The following LRRIQ3 variants were observed in gnomAD, a reference collection of about 807,000 sequenced individuals.
LRRIQ3 encodes the protein leucine-rich repeat and IQ domain-containing protein 3.
In LRRIQ3, 75 loss-of-function variants were observed where a neutral mutation model predicts 59.3. The observed-to-expected ratio is 1.26, with a 90% CI of 1.05 to 1.53. The LOEUF (loss-of-function observed/expected upper bound fraction) is 1.53, where lower values mean the gene tolerates loss of function less well. Ranked by LOEUF, LRRIQ3 falls within the 40% of genes most tolerant of loss-of-function variation. The pLI is 0.00. For missense variants in LRRIQ3, 831 were observed against 710.0 expected (o/e 1.17, Z -1.94); for synonymous variants, 250 against 231.3 (o/e 1.08, Z -0.73).
chr1:74,192,190 C>T (rs917257084), intron 1 of LRRIQ3, among the ~76,000 whole-genome samples: 29 of 152,098 alleles, frequency 1.9e-4, no homozygotes, highest in Non-Finnish European at 4.4e-5. Flanking sequence ...ATAAATCTCA[C>T]TCCAAAATGT....
At chr1:74,027,580 G>T (rs1653557392) in intron 7 of LRRIQ3, among the ~76,000 whole-genome samples, 1 of 151,986 alleles carries the variant, frequency 6.6e-6, no homozygotes, top group Non-Finnish European at 1.5e-5. Context: ...CTTTGTTCTT[G>T]GACTTCCAAC....
intron 4 of LRRIQ3, chr1:74,144,679 T>C (rs1284706452): frequency 1.2e-5 from 2 of 170,130 alleles, no homozygotes; most frequent in East Asian, 3.7e-4. Flanking sequence ...GGCGCTGGAG[T>C]GTACATATGT....
Position 74,165,136 on chromosome 1 carries a change from A to G in LRRIQ3, c.574-9270T>C, listed in dbSNP as rs758715681. On this transcript the variant is annotated intron_variant, in intron 3 of 7. Coordinates refer to ENST00000354431, the MANE Select transcript of LRRIQ3 (RefSeq NM_001105659.2). Reference sequence around the variant, plus strand: ...CTTGTTTTTCTAAGTTCTTTTAACAATTCTAGTTTGTTTATATTTCCATAT... The same window carrying G: ...CTTGTTTTTCTAAGTTCTTTTAACAGTTCTAGTTTGTTTATATTTCCATAT... Among the ~76,000 whole-genome samples, 11 of 151,664 alleles carry G rather than the reference A, an allele frequency of 7.3e-5. No individual in the cohort carries two copies. In the East Asian group the frequency reaches 1.9e-3, roughly 27 times the overall value.
intron 5 of LRRIQ3, among the ~76,000 whole-genome samples, chr1:74,091,703 G>A (rs1646396390): frequency 6.6e-6 from 1 of 151,968 alleles, no homozygotes; most frequent in Non-Finnish European, 1.5e-5. Context: ...GTGCAACCTA[G>A]CTTTGCTTTA....
chr1:74,180,667 A>AT, intron 3 of LRRIQ3: 1 of 1,521,230 alleles, frequency 6.6e-7, no homozygotes, highest in Non-Finnish European at 8.9e-7. Flanking sequence ...ACTGTCTGTC[A>AT]TTTGTGATGC....
At chr1:74,092,197 T>G (rs1306454986) in intron 5 of LRRIQ3, among the ~76,000 whole-genome samples, 1 of 152,116 alleles carries the variant, frequency 6.6e-6, no homozygotes. Flanking sequence ...GGAGGTCATG[T>G]TCAGAAAAGC....
chr1:74,152,917 T>C (rs1339485287), intron 4 of LRRIQ3, among the ~76,000 whole-genome samples: 3 of 152,178 alleles, frequency 2.0e-5, no homozygotes, highest in South Asian at 2.1e-4. Flanking sequence ...TTTCTAATAT[T>C]GATTCATATA....
intron 4 of LRRIQ3, among the ~76,000 whole-genome samples, chr1:74,121,512 G>A (rs1410138970): frequency 6.6e-6 from 1 of 151,996 alleles, no homozygotes; most frequent in Non-Finnish European, 1.5e-5. Flanking sequence ...ATATTTCATA[G>A]TTTTGTAGGC....
At chr1:74,106,684 A>ACAGCAGTAACCTC (rs1553166787) in intron 5 of LRRIQ3, among the ~76,000 whole-genome samples, 1 of 152,016 alleles carries the variant, frequency 6.6e-6, no homozygotes, top group Non-Finnish European at 1.5e-5. Flanking sequence ...TTTGCTTAGA[A>ACAGCAGTAACCTC]CAGCAGTAAC....
chr1:74,184,600 C>T (rs549778643), intron 1 of LRRIQ3, among the ~76,000 whole-genome samples: 1 of 152,188 alleles, frequency 6.6e-6, no homozygotes, highest in African/African-American at 2.4e-5. Flanking sequence ...CTTTATATAT[C>T]ACAACCAAGG....
intron 3 of LRRIQ3, among the ~76,000 whole-genome samples, chr1:74,173,543 GT>G (rs1649457928): frequency 1.3e-5 from 2 of 151,540 alleles, no homozygotes; most frequent in Non-Finnish European, 2.9e-5. Context: ...TTATCATGAG[GT>G]TTGTATCAAA....
At chr1:74,051,134 A>C (rs1024999797) in intron 6 of LRRIQ3, among the ~76,000 whole-genome samples, 8 of 152,182 alleles carry the variant, frequency 5.3e-5, no homozygotes, top group African/African-American at 1.7e-4. Context: ...TCTGTAAAGA[A>C]GTGCTATGCT....
intron 6 of LRRIQ3, among the ~76,000 whole-genome samples, chr1:74,062,033 C>A (rs920833008): frequency 6.6e-5 from 10 of 151,852 alleles, no homozygotes; most frequent in Non-Finnish European, 1.5e-4. Context: ...GAGTTTTTTT[C>A]AAAAGAAAAT....
chr1:74,058,404 C>T (rs1331728329), intron 6 of LRRIQ3, among the ~76,000 whole-genome samples: 1 of 151,604 alleles, frequency 6.6e-6, no homozygotes, highest in Non-Finnish European at 1.5e-5. Flanking sequence ...GGAATGAAAT[C>T]TTGTCATTCG....
intron 5 of LRRIQ3, among the ~76,000 whole-genome samples, chr1:74,079,525 C>T (rs1463659438): frequency 6.6e-6 from 1 of 151,830 alleles, no homozygotes; most frequent in African/African-American, 2.4e-5. Context: ...TTCTCTATCT[C>T]AACATCCTAC....
intron 6 of LRRIQ3, among the ~76,000 whole-genome samples, chr1:74,055,036 T>C (rs1442290365): frequency 6.8e-6 from 1 of 148,042 alleles, no homozygotes; most frequent in Non-Finnish European, 1.5e-5. Context: ...ATATAGCTTA[T>C]ATAAATACCC....
chr1:74,049,752 A>C (rs1347945091), intron 6 of LRRIQ3, among the ~76,000 whole-genome samples: 1 of 152,038 alleles, frequency 6.6e-6, no homozygotes, highest in East Asian at 1.9e-4. Flanking sequence ...GTCATATTCA[A>C]ATTGTTTATA....
At chr1:74,183,815 T>G in intron 1 of LRRIQ3, 131 bp from the exon 2 acceptor site, 3 of 706,118 alleles carry the variant, frequency 4.2e-6, no homozygotes, top group Admixed American at 7.4e-5. Context: ...AAAAACTCAT[T>G]CTTATAGAAC....
intron 4 of LRRIQ3, among the ~76,000 whole-genome samples, chr1:74,141,378 T>C (rs1647249152): frequency 6.6e-6 from 1 of 151,810 alleles, no homozygotes; most frequent in South Asian, 2.1e-4. Flanking sequence ...CAATGTTGCA[T>C]CTATAAAACA....
Sources: allele counts gnomAD v4.1 joint callset (sites outside exome capture counted in the v4.1 genomes callset), GRCh38; gene constraint gnomAD v4.1.1; transcripts MANE v1.5; gene names NCBI Gene and HGNC (gene_info 2026-07-23, HGNC 2026-07-21).